Variants in KIF1B observed in about 807,000 individuals in gnomAD.
The protein encoded by KIF1B is kinesin-like protein KIF1B.
Under a neutral mutation model 241.9 loss-of-function variants are expected in KIF1B, and 76 were observed. The ratio of observed to expected loss-of-function variants is 0.31; its 90% confidence interval spans 0.26 to 0.38. KIF1B has a LOEUF of 0.38. Ranked by LOEUF, KIF1B falls within the 10% of genes least tolerant of loss-of-function variation. KIF1B has a pLI of 1.00. For synonymous variants in KIF1B, 750 were observed against 796.7 expected, an observed-to-expected ratio of 0.94 and a Z score of 0.99; for missense variants, 1,622 against 2,271.4, an observed-to-expected ratio of 0.71 and a Z score of 5.81.
intron 22 of KIF1B, chr1:10,304,240 C>T (rs1650701530): frequency 6.2e-7 from 1 of 1,614,028 alleles, no homozygotes; most frequent in African/African-American, 1.3e-5. Flanking sequence ...TCCCCAGTTT[C>T]CATGGGGCTC....
intron 15 of KIF1B, among the ~76,000 whole-genome samples, chr1:10,283,834 A>G (rs1370668862): frequency 5.3e-5 from 8 of 152,232 alleles, no homozygotes; most frequent in Non-Finnish European, 1.2e-4. Context: ...GTCACTTGGT[A>G]TTCCCCTTGA....
At chr1:10,256,202 C>A in intron 2 of KIF1B, 45 bp from the exon 3 acceptor site, 2 of 1,186,244 alleles carry the variant, frequency 1.7e-6, no homozygotes, top group Non-Finnish European at 2.5e-6. Flanking sequence ...AACTAAAGAA[C>A]TTGTAATTGA....
At chr1:10,243,916 C>G (rs1490501683) in intron 2 of KIF1B, among the ~76,000 whole-genome samples, 1 of 152,000 alleles carries the variant, frequency 6.6e-6, no homozygotes, top group Non-Finnish European at 1.5e-5. Flanking sequence ...AATCATATCT[C>G]TTTAGAATCA....
At chr1:10,370,365 G>A (rs1000633163) in intron 44 of KIF1B, among the ~76,000 whole-genome samples, 2 of 151,882 alleles carry the variant, frequency 1.3e-5, no homozygotes, top group Non-Finnish European at 2.9e-5. Context: ...AGTTCAAGAC[G>A]AGCCTGGGCA....
intron 22 of KIF1B, chr1:10,306,952 A>G: frequency 1.9e-6 from 2 of 1,043,106 alleles, no homozygotes; most frequent in Non-Finnish European, 2.3e-6. Flanking sequence ...ATACTGTAGA[A>G]TGAAGAGTTG....
chr1:10,360,633 C>T (rs1300172867), intron 38 of KIF1B, among the ~76,000 whole-genome samples: 7 of 148,314 alleles, frequency 4.7e-5, no homozygotes, highest in African/African-American at 1.0e-4. Context: ...TGCAGTGATC[C>T]GAGATTGTGC....
intron 38 of KIF1B, among the ~76,000 whole-genome samples, chr1:10,355,589 T>C (rs1463239201): frequency 6.6e-6 from 1 of 152,182 alleles, no homozygotes; most frequent in Non-Finnish European, 1.5e-5. Flanking sequence ...TCAAATTATT[T>C]TTTCATTCCA....
At chr1:10,269,068 G>A (rs543207244) in intron 7 of KIF1B, among the ~76,000 whole-genome samples, 51 of 152,036 alleles carry the variant, frequency 3.4e-4, no homozygotes, top group Non-Finnish European at 6.0e-4. Context: ...GGATGCACCT[G>A]GATTTTTAAG....
chr1:10,327,037 A>G (rs115337855), intron 27 of KIF1B, among the ~76,000 whole-genome samples: 52 of 152,262 alleles, frequency 3.4e-4, no homozygotes, highest in Middle Eastern at 3.4e-3. Flanking sequence ...AAAATCATCT[A>G]TTGACCCCAT....
At chr1:10,273,709 C>CAAAAAAAAAAAAAAAAAAAAA (rs56349613) in intron 10 of KIF1B, among the ~76,000 whole-genome samples, 2 of 49,578 alleles carry the variant, frequency 4.0e-5, no homozygotes, top group African/African-American at 1.6e-4. Flanking sequence ...TCCTCCTCCT[C>CAAAAAAAAAAAAAAAAAAAAA]AAAAAAAAAA....
intron 22 of KIF1B, chr1:10,306,023 G>T: frequency 9.5e-7 from 1 of 1,049,840 alleles, no homozygotes; most frequent in Non-Finnish European, 1.2e-6. Flanking sequence ...CTTAAAGATT[G>T]TGATTATGTT....
chr1:10,305,194 G>A (rs1474638006), intron 22 of KIF1B: 1 of 1,047,108 alleles, frequency 9.6e-7, no homozygotes, highest in African/African-American at 1.7e-5. Context: ...CAAAACTAAA[G>A]GTCTTCAAAC....
chr1:10,322,912 C>T (rs1420901386), intron 24 of KIF1B, among the ~76,000 whole-genome samples: 2 of 152,122 alleles, frequency 1.3e-5, no homozygotes, highest in South Asian at 2.1e-4. Context: ...ATTTATTAAA[C>T]ACTTTTATAA....
In KIF1B at chr1:10,374,234, C is replaced by T; in HGVS notation, c.4947-82C>T. ...GTTTAGGGAGGGCCATTGTGTTCCT[C>T]CCAGTGAAACAGTACTCAGTATGCC... On this transcript the variant is annotated intron_variant, in intron 45 of 48. Coordinates refer to ENST00000676179, the MANE Select transcript of KIF1B (RefSeq NM_001365951.3). The surrounding 1 kb of genome is among the most constrained non-coding windows in gnomAD (Gnocchi z 4.3). 6.9e-7 allele frequency: 1 copy of T among 1,443,966 alleles called. No individual in the cohort carries two copies. The highest frequency in any genetic ancestry group is 9.7e-7 in the Non-Finnish European group (1 of 1,026,006). The allele number at this position is 1,443,966 out of a possible 1,614,324, so 89.4% of individuals were successfully genotyped here.
At chr1:10,223,523 G>A (rs1646870824) in intron 1 of KIF1B, among the ~76,000 whole-genome samples, 1 of 147,600 alleles carries the variant, frequency 6.8e-6, no homozygotes, top group Non-Finnish European at 1.5e-5. Context: ...GTTGCAAGGT[G>A]GTTTTTTTTT....
chr1:10,292,806 A>G (rs1650067612), intron 17 of KIF1B, among the ~76,000 whole-genome samples: 1 of 152,214 alleles, frequency 6.6e-6, no homozygotes, highest in African/African-American at 2.4e-5. Flanking sequence ...TGACTATCAA[A>G]TGGTTATTTT....
chr1:10,286,199 C>T (rs1297771524), intron 15 of KIF1B, among the ~76,000 whole-genome samples: 2 of 152,172 alleles, frequency 1.3e-5, no homozygotes, highest in Admixed American at 1.3e-4. Context: ...ACCACCACAT[C>T]TGGCTAATTT....
intron 15 of KIF1B, among the ~76,000 whole-genome samples, chr1:10,289,682 A>C (rs554371054): frequency 6.6e-6 from 1 of 152,262 alleles, no homozygotes; most frequent in Admixed American, 6.5e-5. Context: ...TCAGGAGTTC[A>C]AGACCAGCCT....
chr1:10,252,203 C>T (rs1557665734), intron 2 of KIF1B, among the ~76,000 whole-genome samples: 2 of 152,026 alleles, frequency 1.3e-5, no homozygotes, highest in African/African-American at 2.4e-5. Context: ...CCATGCCTCG[C>T]TAACTTTTGT....
Sources: allele counts gnomAD v4.1 joint callset (sites outside exome capture counted in the v4.1 genomes callset), GRCh38; gene constraint gnomAD v4.1.1; non-coding constraint Gnocchi (gnomAD v3.1); transcripts MANE v1.5; gene names NCBI Gene and HGNC (gene_info 2026-07-23, HGNC 2026-07-21).